TRIM16: variants seen among roughly 807,000 people sequenced by gnomAD.
TRIM16 encodes tripartite motif containing 16.
A neutral mutation model predicts 50.4 loss-of-function variants in TRIM16; 33 were observed. The observed-to-expected ratio is 0.65, with a 90% CI of 0.50 to 0.88. TRIM16 has a LOEUF of 0.88. Among genes scored for constraint, TRIM16 ranks in the 40% least tolerant of loss-of-function variants. The pLI is 0.00. For missense variants in TRIM16, 581 were observed against 686.8 expected, an observed-to-expected ratio of 0.85 and a Z score of 1.72; for synonymous variants, 229 against 270.7, an observed-to-expected ratio of 0.85 and a Z score of 1.51.
At chr17:15,649,552 C>T (rs1412662243) in intron 7 of TRIM16, among the ~76,000 whole-genome samples, 2 of 152,178 alleles carry the variant, frequency 1.3e-5, no homozygotes, top group African/African-American at 4.8e-5. Flanking sequence ...TCCCAAAGTG[C>T]TGGGATTACA....
At chr17:15,670,949 C>G (rs1988703760) in intron 6 of TRIM16, among the ~76,000 whole-genome samples, 1 of 152,266 alleles carries the variant, frequency 6.6e-6, no homozygotes, top group Admixed American at 6.5e-5. Context: ...CACATTTATT[C>G]CAGGACTAAT....
At position 15,683,122 on chromosome 17, in the gene TRIM16, G is replaced by C. The variant is rs751293216; in HGVS notation, c.-863C>G. On this transcript the variant is annotated 5_prime_UTR_variant, in exon 2 of 12. Transcript: ENST00000649191. Reference sequence around the variant, plus strand: ...GTGTAGCAACCTTTCCGTTCTCCACGTATCTTCCTGGAAATTGCCAGCATT... The same window carrying C: ...GTGTAGCAACCTTTCCGTTCTCCACCTATCTTCCTGGAAATTGCCAGCATT... 35 of 1,550,244 alleles carry C rather than the reference G, an allele frequency of 2.3e-5. No homozygotes were observed. Among genetic ancestry groups the C allele is most frequent in the Non-Finnish European group, 3.0e-5 (34 of 1,146,844 alleles).
chr17:15,682,073 A>G (rs1355070716), intron 3 of TRIM16, among the ~76,000 whole-genome samples: 2 of 152,198 alleles, frequency 1.3e-5, no homozygotes, highest in Non-Finnish European at 2.9e-5. Context: ...TAATAATGGT[A>G]CCTACGTTGC....
Position 15,672,590 on chromosome 17 carries a change from C to T in TRIM16, c.-338+4586G>A, listed in dbSNP as rs970026347. The stretch of plus-strand genomic sequence containing the variant: ...CTACAAAAAATACAAACAAATTAGC[C>T]GGGTGTGGTGACGCTTGCCTGTGGT... On this transcript the variant is annotated intron_variant, in intron 6 of 11. Coordinates refer to ENST00000649191, the MANE Select transcript of TRIM16 (RefSeq NM_001348119.1). 3.9e-5 allele frequency among the ~76,000 whole-genome samples: 6 copies of T among 152,156 alleles called. No homozygotes were observed. The South Asian group carries it at 8.3e-4, about 21-fold the overall frequency.
intron 6 of TRIM16, among the ~76,000 whole-genome samples, chr17:15,675,899 C>T (rs1374440260): frequency 1.3e-5 from 2 of 150,072 alleles, no homozygotes; most frequent in African/African-American, 4.9e-5. Context: ...TGTTTGTGTT[C>T]GTTAGAGTTC....
chr17:15,637,635 C>A (rs1986885990), intron 8 of TRIM16, among the ~76,000 whole-genome samples: 1 of 145,732 alleles, frequency 6.9e-6, no homozygotes, highest in East Asian at 2.1e-4. Context: ...GGGGGTCAGC[C>A]CCCCCGCCCG....
intron 7 of TRIM16, among the ~76,000 whole-genome samples, chr17:15,648,174 C>T (rs1480914655): frequency 2.0e-5 from 3 of 149,704 alleles, no homozygotes; most frequent in African/African-American, 4.9e-5. Context: ...TGCAGTGAGC[C>T]GAGATTGCAC....
Position 15,683,166 on chromosome 17 carries a change from A to G in TRIM16, c.-898-9T>C, listed in dbSNP as rs754892657. On this transcript the variant is annotated splice_polypyrimidine_tract_variant and intron_variant, in intron 1 of 11. Transcript: ENST00000649191. Reference sequence around the variant, plus strand: ...CAGCATTCTACCAGAAACTGTGGTAAGAGGTTCTGGATTGAAGTTTTCCCC... The same window carrying G: ...CAGCATTCTACCAGAAACTGTGGTAGGAGGTTCTGGATTGAAGTTTTCCCC... 1.0e-4 allele frequency: 160 copies of G among 1,537,304 alleles called. No individual in the cohort carries two copies. The highest frequency in any genetic ancestry group is 6.7e-4 in the Middle Eastern group (4 of 5,988).
intron 11 of TRIM16, among the ~76,000 whole-genome samples, chr17:15,630,349 C>A (rs1450792642): frequency 4.6e-5 from 7 of 152,154 alleles, no homozygotes; most frequent in African/African-American, 1.4e-4. Context: ...AAACTTGGCA[C>A]CCCTCTCCAT....
intron 6 of TRIM16, among the ~76,000 whole-genome samples, chr17:15,653,048 G>A (rs1987803406): frequency 6.6e-6 from 1 of 152,138 alleles, no homozygotes; most frequent in Admixed American, 6.5e-5. Context: ...GGAGGTGTTT[G>A]GGTCATAGGG....
At chr17:15,632,989 A>G (rs1052435561) in intron 9 of TRIM16, 5 of 199,530 alleles carry the variant, frequency 2.5e-5, no homozygotes, top group African/African-American at 4.6e-5. Context: ...AATAAAGAAC[A>G]TTCTTGCTTT....
At chr17:15,649,431 C>T (rs8075651) in intron 7 of TRIM16, among the ~76,000 whole-genome samples, 9 of 151,960 alleles carry the variant, frequency 5.9e-5, no homozygotes, top group African/African-American at 1.7e-4. Flanking sequence ...GGACTACAGT[C>T]GCCCGCCACC....
At position 15,665,552 on chromosome 17, in the gene TRIM16, A is replaced by G. The variant is rs2938169; in HGVS notation, c.-338+11624T>C. Among the ~76,000 whole-genome samples, 176 of 151,892 alleles carry G rather than the reference A, an allele frequency of 1.2e-3. 1 individual carries two copies. Among genetic ancestry groups the G allele is most frequent in the East Asian group, 4.4e-3 (23 of 5,182 alleles). ...AAAAATAAAGAAAGAAAACAACATA[A>G]TGTATCGGGAAACCAGATAATGAAT... On this transcript the variant is annotated intron_variant, in intron 6 of 11. Coordinates refer to ENST00000649191, the MANE Select transcript of TRIM16 (RefSeq NM_001348119.1).
At position 15,678,889 on chromosome 17, in the gene TRIM16, T is replaced by C. The variant is rs995490786; in HGVS notation, c.-589-1168A>G. Among the ~76,000 whole-genome samples, 47 of 151,650 alleles carry C rather than the reference T, an allele frequency of 3.1e-4. 1 individual carries two copies. Among genetic ancestry groups the C allele is most frequent in the African/African-American group, 1.1e-3 (46 of 41,262 alleles). ...AAATGCAGACTCTCCTTTTTTTTTT[T>C]TTTTTTGAGACGGAGTCTCACTCTG... is the stretch of plus-strand genomic sequence containing the variant. On this transcript the variant is annotated intron_variant, in intron 4 of 11. Coordinates refer to ENST00000649191, the MANE Select transcript of TRIM16 (RefSeq NM_001348119.1).
chr17:15,629,368 A>G (rs1986286241), intron 11 of TRIM16, among the ~76,000 whole-genome samples, 170 bp from the exon 12 acceptor site: 1 of 152,262 alleles, frequency 6.6e-6, no homozygotes, highest in Non-Finnish European at 1.5e-5. Flanking sequence ...TGAAGACCAG[A>G]AAACAGAGAG....
At chr17:15,639,876 C>A (rs1316847685) in intron 8 of TRIM16, among the ~76,000 whole-genome samples, 6 of 148,852 alleles carry the variant, frequency 4.0e-5, no homozygotes, top group Non-Finnish European at 1.5e-5. Context: ...TGACACTTCA[C>A]CTCTCTCCCT....
At chr17:15,643,849 A>G (rs1191683759) in intron 7 of TRIM16, among the ~76,000 whole-genome samples, 6 of 152,252 alleles carry the variant, frequency 3.9e-5, no homozygotes, top group African/African-American at 1.4e-4. Flanking sequence ...TGGGAAGTCT[A>G]CATTTTTTTA....
chr17:15,682,335 C>T (rs976550134), intron 3 of TRIM16, among the ~76,000 whole-genome samples: 7 of 152,240 alleles, frequency 4.6e-5, no homozygotes, highest in African/African-American at 1.7e-4. Flanking sequence ...CTGTACTGGA[C>T]ACTGACAATC....
At chr17:15,676,546 C>T (rs1470220292) in intron 6 of TRIM16, among the ~76,000 whole-genome samples, 2 of 151,634 alleles carry the variant, frequency 1.3e-5, no homozygotes, top group African/African-American at 4.8e-5. Context: ...CGCCATTCTC[C>T]TGCCTCAACC....
Sources: gnomAD v4.1 joint callset for allele counts (sites outside exome capture counted in the v4.1 genomes callset) on GRCh38, gnomAD v4.1.1 for gene constraint, MANE v1.5 for transcripts, NCBI Gene and HGNC (gene_info 2026-07-23, HGNC 2026-07-21) for gene names.